Variants in GPR174 observed in about 807,000 individuals in gnomAD.
GPR174 encodes G protein-coupled receptor 174.
A neutral mutation model predicts 16.5 loss-of-function variants in GPR174; 8 were observed. The ratio of observed to expected loss-of-function variants is 0.48; its 90% CI spans 0.28 to 0.87. GPR174 has a LOEUF of 0.87. Ranked by LOEUF, GPR174 falls within the 40% of genes least tolerant of loss-of-function variation. The probability of loss-of-function intolerance (pLI) is 0.09; values close to 1 mark genes in which losing one functional copy is unlikely to be tolerated. For missense variants in GPR174, 214 were observed against 247.5 expected (o/e 0.86, Z 0.91); for synonymous variants, 111 against 94.8 (o/e 1.17, Z -0.99).
rs73509603 is a variant in GPR174 at position 79,149,983 on chromosome X, C to T, written c.-654+4766C>T. On this transcript the variant is annotated intron_variant, in intron 1 of 2. Transcript: ENST00000645147. ...TAATGACTGATTTAGTTCTAAGTTA[C>T]AGTTTTAAGAATTTTACATTAAGAA... is the stretch of plus-strand genomic sequence containing the variant. 7.5e-3 allele frequency among the ~76,000 whole-genome samples: 835 copies of T among 111,061 alleles called. 7 individuals carry two copies. Among genetic ancestry groups the T allele is most frequent in the African/African-American group, 0.026 (800 of 30,548 alleles).
chrX:79,164,329 G>A (rs1291314460), intron 2 of GPR174, among the ~76,000 whole-genome samples: 1 of 111,799 alleles, frequency 8.9e-6, no homozygotes, highest in Non-Finnish European at 1.9e-5. Context: ...GACCATGTAG[G>A]AGATGCATTA....
Position 79,170,996 on chromosome X carries a change from C to G in GPR174, c.-12C>G, listed in dbSNP as rs770677846. The G allele has an allele frequency of 5.1e-6, 6 of 1,172,676 alleles. No individual in the cohort carries two copies. The highest frequency in any genetic ancestry group is 5.7e-6 in the Non-Finnish European group (5 of 874,276). ...CCACCATTAGGCAAAGATAGTTTCT[C>G]TAGAGAGAATCATGCCTGCTAATTA... On this transcript the variant is annotated 5_prime_UTR_variant, in exon 3 of 3. Coordinates refer to ENST00000645147, the MANE Select transcript of GPR174 (RefSeq NM_032553.3).
chrX:79,150,520 T>C (rs1926580729), intron 1 of GPR174, among the ~76,000 whole-genome samples: 1 of 112,025 alleles, frequency 8.9e-6, no homozygotes, highest in African/African-American at 3.2e-5. Flanking sequence ...CTTGTCATAT[T>C]GGGTCAAATA....
chrX:79,166,420 C>CTTTTCTA (rs1921364649), intron 2 of GPR174, among the ~76,000 whole-genome samples: 1 of 40,722 alleles, frequency 2.5e-5, no homozygotes, highest in African/African-American at 8.3e-5. Context: ...TCTTTTTTTT[C>CTTTTCTA]TTTTCTTTTT....
At position 79,171,630 on chromosome X, in the gene GPR174, C is replaced by T. The variant is rs138028074; in HGVS notation, c.623C>T (p.Thr208Met). 11 of 1,209,202 alleles carry T rather than the reference C, an allele frequency of 9.1e-6. No individual in the cohort carries two copies. Among genetic ancestry groups the T allele is most frequent in the Non-Finnish European group, 8.9e-6 (8 of 895,047 alleles). The part of the protein sequence containing the change: ...LLIVLYCTWK[T>M]VLSLQDKYPM... ...ATTGTCCTATATTGTACCTGGAAGA[C>T]GGTTTTATCACTGCAAGATAAATAT... is the stretch of plus-strand genomic sequence containing the variant. The change falls in exon 3 of 3, where the codon ACG (threonine) becomes ATG (methionine). Residue 208 changes from threonine (T) to methionine (M), a missense_variant. Transcript: ENST00000645147.
intron 1 of GPR174, among the ~76,000 whole-genome samples, chrX:79,148,490 A>G (rs1027939708): frequency 1.8e-5 from 2 of 111,742 alleles, no homozygotes; most frequent in Admixed American, 1.9e-4. Context: ...CTTATAAGCT[A>G]ATCACATGTT....
intron 1 of GPR174, among the ~76,000 whole-genome samples, chrX:79,155,348 A>G (rs1031232911): frequency 3.6e-5 from 4 of 111,313 alleles, no homozygotes; most frequent in African/African-American, 9.8e-5. Flanking sequence ...TTGGTTACTC[A>G]TCTTCTACTT....
intron 1 of GPR174, among the ~76,000 whole-genome samples, chrX:79,147,068 G>T (rs1002032046): frequency 9.0e-6 from 1 of 111,692 alleles, no homozygotes; most frequent in African/African-American, 3.3e-5. Flanking sequence ...ATAAGAAATT[G>T]TCAGAAACAG....
rs569827156 is a variant in GPR174 at position 79,148,888 on chromosome X, A to G, written c.-654+3671A>G. Among the ~76,000 whole-genome samples the G allele has an allele frequency of 1.2e-3, 136 of 111,810 alleles. 3 individuals are homozygous for G. In the South Asian group the frequency reaches 0.049, roughly 40 times the overall value. ...CAGTGATGAAATCCTTTACTGTTCA[A>G]AGTATTTAATCTATTTTAGGTAATA... On this transcript the variant is annotated intron_variant, in intron 1 of 2. Coordinates refer to ENST00000645147, the MANE Select transcript of GPR174 (RefSeq NM_032553.3).
chrX:79,146,658 G>T (rs777462512), intron 1 of GPR174, among the ~76,000 whole-genome samples: 45 of 112,138 alleles, frequency 4.0e-4, no homozygotes, highest in African/African-American at 1.4e-3. Context: ...GAACCACCTA[G>T]TGTACTTATT....
intron 2 of GPR174, among the ~76,000 whole-genome samples, chrX:79,160,762 G>T (rs1003490654): frequency 1.8e-5 from 2 of 111,706 alleles, no homozygotes; most frequent in Non-Finnish European, 3.8e-5. Context: ...TACGGAGAAG[G>T]TCAGACAAAC....
rs2147463658 is a variant in GPR174 at position 79,174,186 on chromosome X, A to C, written c.*2177A>C. Reference sequence around the variant, plus strand: ...CCCATTTGTTAGGCAGCCCATTTACATCATTCCAAAAAAGGACCAGTATTC... The same window carrying C: ...CCCATTTGTTAGGCAGCCCATTTACCTCATTCCAAAAAAGGACCAGTATTC... On this transcript the variant is annotated 3_prime_UTR_variant, in exon 3 of 3. Transcript: ENST00000645147. 1 of 109,719 alleles carries C rather than the reference A, an allele frequency of 9.1e-6. No individual in the cohort carries two copies. Among genetic ancestry groups the C allele is most frequent in the Non-Finnish European group, 1.9e-5 (1 of 52,635 alleles). The allele number at this position is 109,719 out of a possible 1,213,427, so 9.0% of individuals were successfully genotyped here. A position where few individuals can be genotyped will look rare whatever the true frequency, so the allele number is the denominator to read the frequency against.
intron 1 of GPR174, among the ~76,000 whole-genome samples, chrX:79,152,472 G>A (rs188143140): frequency 9.0e-6 from 1 of 111,589 alleles, no homozygotes; most frequent in East Asian, 2.8e-4. Flanking sequence ...GATCCAGTGA[G>A]TTATCGAATC....
chrX:79,148,026 G>A (rs1333682265), intron 1 of GPR174, among the ~76,000 whole-genome samples: 1 of 111,977 alleles, frequency 8.9e-6, no homozygotes, highest in Non-Finnish European at 1.9e-5. Flanking sequence ...AATCAGATAT[G>A]CAAGATATTA....
chrX:79,159,026 T>C (rs1427752343), intron 2 of GPR174, among the ~76,000 whole-genome samples: 2 of 110,621 alleles, frequency 1.8e-5, no homozygotes, highest in Non-Finnish European at 3.8e-5. Flanking sequence ...GCTTACTATG[T>C]ACCCAGAAAA....
intron 1 of GPR174, among the ~76,000 whole-genome samples, chrX:79,152,520 A>T (rs775452610): frequency 3.4e-4 from 38 of 111,796 alleles, no homozygotes; most frequent in South Asian, 2.2e-3. Context: ...ACAAAGTTTT[A>T]GGCTTGTCTG....
At chrX:79,148,027 C>T (rs910210784) in intron 1 of GPR174, among the ~76,000 whole-genome samples, 3 of 111,774 alleles carry the variant, frequency 2.7e-5, no homozygotes, top group Non-Finnish European at 5.7e-5. Flanking sequence ...ATCAGATATG[C>T]AAGATATTAG....
At chrX:79,154,240 T>A (rs1921043505) in intron 1 of GPR174, among the ~76,000 whole-genome samples, 1 of 111,396 alleles carries the variant, frequency 9.0e-6, no homozygotes, top group African/African-American at 3.3e-5. Flanking sequence ...ACTGTGATCC[T>A]TTACGTCTAG....
intron 2 of GPR174, among the ~76,000 whole-genome samples, chrX:79,157,568 T>C (rs1921128332): frequency 1.8e-5 from 2 of 112,151 alleles, no homozygotes; most frequent in Admixed American, 1.9e-4. Context: ...TCTACATGCA[T>C]ACAATATTGT....
Sources: gnomAD v4.1 joint callset for allele counts (sites outside exome capture counted in the v4.1 genomes callset) on GRCh38, gnomAD v4.1.1 for gene constraint, MANE v1.5 for transcripts, NCBI Gene and HGNC (gene_info 2026-07-23, HGNC 2026-07-21) for gene names.